Variants in TRIM13 observed in about 807,000 individuals in gnomAD.
The protein encoded by TRIM13 is tripartite motif containing 13.
In TRIM13, 15 loss-of-function variants were observed where a neutral mutation model predicts 27.1. That is an observed-to-expected ratio of 0.55 (90% CI 0.37 to 0.85). The LOEUF (loss-of-function observed/expected upper bound fraction) is 0.85. Ranked by LOEUF, TRIM13 falls within the 40% of genes least tolerant of loss-of-function variation. TRIM13 has a pLI of 0.00. For synonymous variants in TRIM13, 193 were observed against 171.5 expected (o/e 1.13, Z -0.98); for missense variants, 402 against 472.2 (o/e 0.85, Z 1.38).
Position 50,011,964 on chromosome 13 carries a change from C to T in TRIM13, c.24C>T (p.Leu8=), listed in dbSNP as rs748128347. MELLEED[L]TCPICCSLFD... ...TGATGGAGCTGCTTGAAGAAGATCTCACATGCCCTATTTGTTGTAGTCTGT... is the reference window on the plus strand; with the variant it reads ...TGATGGAGCTGCTTGAAGAAGATCTTACATGCCCTATTTGTTGTAGTCTGT... The change falls in exon 2 of 2, where the codon CTC becomes CTT. Residue 8 remains leucine (L), a synonymous_variant. Transcript: ENST00000378182. 1.2e-5 allele frequency: 20 copies of T among 1,612,392 alleles called. No individual in the cohort carries two copies. The Admixed American group carries it at 1.8e-4, about 15-fold the overall frequency.
rs1487031943 is a variant in TRIM13, at chr13:50,017,053, C to A, written c.*3889C>A. On this transcript the variant is annotated 3_prime_UTR_variant, in exon 2 of 2. Transcript: ENST00000378182. ...CTTAATTGTTTACATTTTATAACTT[C>A]CTGTCCTTCAAAAGAGTTTGAAATG... 1 of 166,904 alleles carries A rather than the reference C, an allele frequency of 6.0e-6. No homozygotes were observed. 10.3% of individuals were successfully genotyped at this position (166,904 alleles called of 1,614,324 possible).
In TRIM13 at chr13:50,015,534, A is replaced by AGAT. The variant is rs1162774626; in HGVS notation, c.*2371_*2373dup. On this transcript the variant is annotated 3_prime_UTR_variant, in exon 2 of 2. Transcript: ENST00000378182. ...CTGGTCACTTTGAATGTGGGAGGGA[A>AGAT]GATATTCACGACAAGGTTTTCTACG... is the stretch of plus-strand genomic sequence containing the variant. 1 of 1,613,868 alleles carries AGAT rather than the reference A, an allele frequency of 6.2e-7. No individual in the cohort carries two copies. The highest frequency in any genetic ancestry group is 1.1e-5 in the South Asian group (1 of 91,048).
At chr13:50,009,287 C>A (rs1259513148) in intron 1 of TRIM13, among the ~76,000 whole-genome samples, 1 of 152,028 alleles carries the variant, frequency 6.6e-6, no homozygotes, top group Non-Finnish European at 1.5e-5. Context: ...TGTATTTAAC[C>A]TGTTGGAATA....
Position 50,015,667 on chromosome 13 carries a change from T to C in TRIM13, c.*2503T>C. On this transcript the variant is annotated 3_prime_UTR_variant, in exon 2 of 2. Coordinates refer to ENST00000378182, the MANE Select transcript of TRIM13 (RefSeq NM_213590.3). The stretch of plus-strand genomic sequence containing the variant: ...TTGTAGACAGAGATGGTGATTTGTT[T>C]AGTTTCATCTTAGATTTTTTGAGAA... 6.2e-7 allele frequency: 1 copy of C among 1,614,176 alleles called. No homozygotes were observed. Among genetic ancestry groups the C allele is most frequent in the Non-Finnish European group, 8.5e-7 (1 of 1,180,010 alleles).
Position 50,015,720 on chromosome 13 carries a change from T to C in TRIM13, c.*2556T>C. On this transcript the variant is annotated 3_prime_UTR_variant, in exon 2 of 2. Coordinates refer to ENST00000378182, the MANE Select transcript of TRIM13 (RefSeq NM_213590.3). ...CACCAGCTTTTATTACCCACTGAAT[T>C]TTCAGACTATCTTAGGCTTCAGAGA... 6.2e-7 allele frequency: 1 copy of C among 1,614,078 alleles called. No homozygotes were observed. The highest frequency in any genetic ancestry group is 8.5e-7 in the Non-Finnish European group (1 of 1,179,954).
chr13:50,014,535 T>G lies in TRIM13; in HGVS notation c.*1371T>G, dbSNP rs1188772414. On this transcript the variant is annotated 3_prime_UTR_variant, in exon 2 of 2. Transcript: ENST00000378182. ...CCAATCCACTTGCTTACAGAAAGAA[T>G]GTTTAGTGTAGTTAAGACTAATTTG... 6.0e-6 allele frequency: 1 copy of G among 166,538 alleles called. No homozygotes were observed. Among genetic ancestry groups the G allele is most frequent in the Non-Finnish European group, 1.5e-5 (1 of 68,038 alleles). 10.3% of individuals were successfully genotyped at this position (166,538 alleles called of 1,614,324 possible). A position where few individuals can be genotyped will look rare whatever the true frequency, so the allele number is the denominator to read the frequency against.
At chr13:50,006,857 A>AT (rs1874784282) in intron 1 of TRIM13, among the ~76,000 whole-genome samples, 1 of 152,184 alleles carries the variant, frequency 6.6e-6, no homozygotes, top group Admixed American at 6.5e-5. Context: ...GTTATGTATT[A>AT]TAAATACATG....
chr13:50,000,858 T>C (rs1873942292), intron 1 of TRIM13: 1 of 152,216 alleles, frequency 6.6e-6, no homozygotes, highest in Non-Finnish European at 1.5e-5. Flanking sequence ...TTAATTGTGG[T>C]AAGAACATTT....
At chr13:50,009,736 C>CAAAAAAA (rs35561642) in intron 1 of TRIM13, among the ~76,000 whole-genome samples, 24 of 101,160 alleles carry the variant, frequency 2.4e-4, no homozygotes, top group African/African-American at 5.7e-4. Flanking sequence ...GACTCCGTCT[C>CAAAAAAA]AAAAAAAAAA....
At position 50,015,949 on chromosome 13, in the gene TRIM13, GAATGGT is replaced by G; in HGVS notation, c.*2788_*2793del. On this transcript the variant is annotated 3_prime_UTR_variant, in exon 2 of 2. Coordinates refer to ENST00000378182, the MANE Select transcript of TRIM13 (RefSeq NM_213590.3). ...CAGAACAACCTTCAGCGCCGACCTG[GAATGGT>G]AACTTTTTCCCTCCTCAGATGACCT... 1.2e-6 allele frequency: 2 copies of G among 1,614,096 alleles called. No individual in the cohort carries two copies. Among genetic ancestry groups the G allele is most frequent in the Non-Finnish European group, 1.7e-6 (2 of 1,179,976 alleles).
Position 50,015,885 on chromosome 13 carries a change from A to T in TRIM13, c.*2721A>T. 1 of 1,614,092 alleles carries T rather than the reference A, an allele frequency of 6.2e-7. No homozygotes were observed. The highest frequency in any genetic ancestry group is 8.5e-7 in the Non-Finnish European group (1 of 1,179,996). ...TTCAGGGTGTTTGGCTCTTGCAGCAAAACAATTGAGATGCTAACAGGGAGG... is the reference window on the plus strand; with the variant it reads ...TTCAGGGTGTTTGGCTCTTGCAGCATAACAATTGAGATGCTAACAGGGAGG... On this transcript the variant is annotated 3_prime_UTR_variant, in exon 2 of 2. Transcript: ENST00000378182.
intron 1 of TRIM13, among the ~76,000 whole-genome samples, chr13:49,998,719 A>G (rs755132590): frequency 6.6e-6 from 1 of 152,074 alleles, no homozygotes; most frequent in Non-Finnish European, 1.5e-5. Flanking sequence ...ACTTGAGGTC[A>G]GGAGTTCAAG....
At chr13:50,002,983 T>C (rs1022624797) in intron 1 of TRIM13, among the ~76,000 whole-genome samples, 3 of 152,094 alleles carry the variant, frequency 2.0e-5, no homozygotes, top group Admixed American at 6.6e-5. Context: ...TACTACAGTA[T>C]AGTAAGGTGC....
chr13:50,003,928 A>G (rs1259153143), intron 1 of TRIM13, among the ~76,000 whole-genome samples: 3 of 152,222 alleles, frequency 2.0e-5, no homozygotes, highest in Non-Finnish European at 4.4e-5. Flanking sequence ...ACCTTTCTGG[A>G]TACTTTAAAA....
chr13:50,004,030 C>T (rs1874365375), intron 1 of TRIM13, among the ~76,000 whole-genome samples: 1 of 152,132 alleles, frequency 6.6e-6, no homozygotes, highest in Non-Finnish European at 1.5e-5. Flanking sequence ...TCTAAGTATT[C>T]AGAAATATTC....
intron 1 of TRIM13, among the ~76,000 whole-genome samples, chr13:50,003,078 G>A (rs1874248117): frequency 6.6e-6 from 1 of 152,156 alleles, no homozygotes; most frequent in Admixed American, 6.5e-5. Flanking sequence ...ATTAACTAGT[G>A]TGCTGAGAGG....
intron 1 of TRIM13, among the ~76,000 whole-genome samples, chr13:50,011,660 C>T (rs1233904724): frequency 1.3e-5 from 2 of 152,116 alleles, no homozygotes; most frequent in Non-Finnish European, 2.9e-5. Context: ...TGCAGTTGTC[C>T]TAGTCCTGAG....
At chr13:50,008,467 C>A (rs1875099588) in intron 1 of TRIM13, among the ~76,000 whole-genome samples, 1 of 148,660 alleles carries the variant, frequency 6.7e-6, no homozygotes, top group Non-Finnish European at 1.5e-5. Context: ...GCTAGTAAGA[C>A]CTGGTCTCTA....
Position 50,015,811 on chromosome 13 carries a change from A to G in TRIM13, c.*2647A>G, listed in dbSNP as rs767380049. ...TAAACCCATACCTGCTACAGCCAAG[A>G]CCTGCTCTTGTGGAGGTACATTTCC... On this transcript the variant is annotated 3_prime_UTR_variant, in exon 2 of 2. Coordinates refer to ENST00000378182, the MANE Select transcript of TRIM13 (RefSeq NM_213590.3). 1.9e-6 allele frequency: 3 copies of G among 1,614,086 alleles called. No individual in the cohort carries two copies. The East Asian group carries it at 6.7e-5, about 36-fold the overall frequency.
Sources: gnomAD v4.1 joint callset for allele counts (sites outside exome capture counted in the v4.1 genomes callset) on GRCh38, gnomAD v4.1.1 for gene constraint, MANE v1.5 for transcripts, NCBI Gene and HGNC (gene_info 2026-07-23, HGNC 2026-07-21) for gene names.